The following ZNF813 variants were observed in gnomAD, a reference collection of about 807,000 sequenced individuals.
ZNF813 encodes zinc finger protein 813.
Under a neutral mutation model 7.2 loss-of-function variants are expected in ZNF813, and 3 were observed. The ratio of observed to expected loss-of-function variants is 0.42; its 90% CI spans 0.19 to 1.08. ZNF813 has a LOEUF of 1.08. ZNF813 is among the 50% of genes least tolerant of loss of function. ZNF813 has a pLI of 0.30. For synonymous variants in ZNF813, 227 were observed against 256.3 expected (o/e 0.89, Z 1.09); for missense variants, 714 against 753.3 (o/e 0.95, Z 0.61).
chr19:53,475,731 C>T (rs75135444), intron 1 of ZNF813, among the ~76,000 whole-genome samples: 2,835 of 152,278 alleles, frequency 0.019, 55 homozygotes, highest in Non-Finnish European at 0.026. Context: ...CTTAACACCA[C>T]GGAGTCTGGT....
intron 1 of ZNF813, chr19:53,480,251 C>T: frequency 1.3e-6 from 1 of 748,410 alleles, no homozygotes; most frequent in Non-Finnish European, 2.5e-6. Context: ...TTTCACCAAA[C>T]TGTCTCTGCC....
intron 1 of ZNF813, among the ~76,000 whole-genome samples, chr19:53,468,873 C>T (rs1324449575): frequency 7.0e-6 from 1 of 142,964 alleles, no homozygotes; most frequent in Non-Finnish European, 1.6e-5. Context: ...AGAGGCCTTC[C>T]TCTTTCACTA....
chr19:53,471,307 A>G (rs2086357840), intron 1 of ZNF813, among the ~76,000 whole-genome samples: 1 of 152,098 alleles, frequency 6.6e-6, no homozygotes, highest in Non-Finnish European at 1.5e-5. Flanking sequence ...TGGAGCTTCA[A>G]GCTGATACTA....
At chr19:53,485,438 A>T (rs2086427502) in intron 2 of ZNF813, among the ~76,000 whole-genome samples, 1 of 152,218 alleles carries the variant, frequency 6.6e-6, no homozygotes, top group Non-Finnish European at 1.5e-5. Flanking sequence ...ACACAAATGT[A>T]TATATTTTGA....
At chr19:53,482,706 C>CTTTTTT (rs1568830690) in intron 1 of ZNF813, among the ~76,000 whole-genome samples, 21 of 91,500 alleles carry the variant, frequency 2.3e-4, no homozygotes, top group African/African-American at 7.4e-4. Flanking sequence ...ATCAGGAATG[C>CTTTTTT]TTTTTGTTTT....
At chr19:53,469,793 A>C (rs928913109) in intron 1 of ZNF813, among the ~76,000 whole-genome samples, 582 of 133,196 alleles carry the variant, frequency 4.4e-3, no homozygotes, top group Non-Finnish European at 5.0e-3. Flanking sequence ...GCTGCCAGAG[A>C]GTGGGGACAG....
At position 53,491,424 on chromosome 19, in the gene ZNF813, C is replaced by T. The variant is rs1453279458; in HGVS notation, c.1192C>T (p.Leu398Phe). Reference sequence around the variant, plus strand: ...CAAGACCTTCAGTCAGGAGTTAACCCTTAAATGCCATCGTAGACTTCATAC... The same window carrying T: ...CAAGACCTTCAGTCAGGAGTTAACCTTTAAATGCCATCGTAGACTTCATAC... ...CGKTFSQELTLKCHRRLHTGE... is the reference protein window; with the variant it reads ...CGKTFSQELTFKCHRRLHTGE... The change falls in exon 4 of 4, where the codon CTT (leucine) becomes TTT (phenylalanine). Residue 398 changes from leucine (L) to phenylalanine (F), a missense_variant. By Grantham distance (22) the Leu-to-Phe change is conservative. Around this residue, in one of 3 missense-constraint regions of ZNF813, gnomAD observed 563 missense variants for 554.2 expected, o/e 1.02. Coordinates refer to ENST00000396403, the MANE Select transcript of ZNF813 (RefSeq NM_001004301.4). 2 of 1,613,964 alleles carry T rather than the reference C, an allele frequency of 1.2e-6. No individual in the cohort carries two copies. Among genetic ancestry groups the T allele is most frequent in the African/African-American group, 2.7e-5 (2 of 74,894 alleles).
intron 1 of ZNF813, among the ~76,000 whole-genome samples, chr19:53,482,738 T>C (rs12972440): frequency 8.2e-6 from 1 of 122,536 alleles, no homozygotes; most frequent in African/African-American, 3.1e-5. Flanking sequence ...TTTTTTTTTT[T>C]TGAGAGACAG....
intron 2 of ZNF813, among the ~76,000 whole-genome samples, chr19:53,485,470 T>A (rs779428045): frequency 1.3e-5 from 2 of 152,048 alleles, no homozygotes; most frequent in African/African-American, 4.8e-5. Context: ...AGTTTGAAAA[T>A]CTGGGGAAAA....
At chr19:53,481,094 A>G (rs1346569218) in intron 1 of ZNF813, among the ~76,000 whole-genome samples, 1 of 152,112 alleles carries the variant, frequency 6.6e-6, no homozygotes, top group East Asian at 1.9e-4. Context: ...TATATGGAAC[A>G]TGTTCTGCGA....
intron 1 of ZNF813, among the ~76,000 whole-genome samples, chr19:53,478,580 C>G (rs979782533): frequency 3.3e-5 from 5 of 152,226 alleles, no homozygotes; most frequent in East Asian, 3.9e-4. Context: ...GAGTTCAAGA[C>G]CAGCCTGGCC....
At position 53,491,200 on chromosome 19, in the gene ZNF813, G is replaced by C; in HGVS notation, c.968G>C (p.Gly323Ala). The C allele has an allele frequency of 6.2e-7, 1 of 1,613,820 alleles. No homozygotes were observed. Among genetic ancestry groups the C allele is most frequent in the Non-Finnish European group, 8.5e-7 (1 of 1,179,770 alleles). Residue 323 changes from glycine (G) to alanine (A), a missense_variant, in exon 4 of 4, where the codon GGA (glycine) becomes GCA (alanine). Coordinates refer to ENST00000396403, the MANE Select transcript of ZNF813 (RefSeq NM_001004301.4). ...AAAAGACATAGGAGAATTCATGCTG[G>C]AGAAAAACCATACAAGTGTAATGAA... ...NLKRHRRIHA[G>A]EKPYKCNECG...
rs1276865578 is a variant in ZNF813 at position 53,484,182 on chromosome 19, G to T, written c.15+345G>T. Among the ~76,000 whole-genome samples the T allele has an allele frequency of 2.6e-5, 4 of 152,116 alleles. No individual in the cohort carries two copies. In the East Asian group the frequency reaches 7.7e-4, roughly 29 times the overall value. On this transcript the variant is annotated intron_variant, in intron 2 of 3. Transcript: ENST00000396403. The stretch of plus-strand genomic sequence containing the variant: ...CTCAGCTCTCTGTGGACTAGGATTA[G>T]AGCAGCTGCCAATGGAAGTCACATA...
At chr19:53,479,121 T>G (rs150772853) in intron 1 of ZNF813, among the ~76,000 whole-genome samples, 2,505 of 152,148 alleles carry the variant, frequency 0.016, 66 homozygotes, top group African/African-American at 0.058. Context: ...TTTTAGCAGA[T>G]ATGGGGTTTC....
At chr19:53,480,796 T>A (rs1163629583) in intron 1 of ZNF813, among the ~76,000 whole-genome samples, 2 of 152,176 alleles carry the variant, frequency 1.3e-5, no homozygotes, top group Admixed American at 1.3e-4. Context: ...TGGACTAATG[T>A]TGAAAGATGG....
At chr19:53,483,705 G>A (rs1316298362) in intron 1 of ZNF813, 45 bp from the exon 2 acceptor site, 3 of 1,562,624 alleles carry the variant, frequency 1.9e-6, no homozygotes, top group East Asian at 2.2e-5. Context: ...ACAGGGAGGG[G>A]ATGTGTTGAT....
chr19:53,485,588 ATG>A (rs1568831854), intron 2 of ZNF813, among the ~76,000 whole-genome samples: 3 of 45,936 alleles, frequency 6.5e-5, no homozygotes, highest in African/African-American at 1.2e-4. Context: ...GTCATGACAT[ATG>A]TATGTCATGA....
chr19:53,473,886 G>A (rs1376074203), intron 1 of ZNF813, among the ~76,000 whole-genome samples: 1 of 152,182 alleles, frequency 6.6e-6, no homozygotes, highest in Non-Finnish European at 1.5e-5. Context: ...TGACTCAGAG[G>A]ACAACCATAT....
intron 1 of ZNF813, among the ~76,000 whole-genome samples, chr19:53,469,492 C>T (rs1374679830): frequency 1.3e-5 from 2 of 151,886 alleles, no homozygotes; most frequent in Non-Finnish European, 2.9e-5. Flanking sequence ...GAGAAAGACT[C>T]ATAACAGATG....
Sources: allele counts gnomAD v4.1 joint callset (sites outside exome capture counted in the v4.1 genomes callset), GRCh38; gene constraint gnomAD v4.1.1; regional missense constraint gnomAD v4.1.1; transcripts MANE v1.5; gene names NCBI Gene and HGNC (gene_info 2026-07-23, HGNC 2026-07-21).